PTP4A2: variants seen among roughly 807,000 people sequenced by gnomAD.
The protein encoded by PTP4A2 is protein tyrosine phosphatase 4A2, also known as protein tyrosine phosphatase type IVA 2.
A neutral mutation model predicts 22.9 loss-of-function variants in PTP4A2; 2 were observed. That is an observed-to-expected ratio of 0.09 (90% confidence interval 0.04 to 0.27). PTP4A2 has a LOEUF of 0.27. Among genes scored for constraint, PTP4A2 ranks in the 10% least tolerant of loss-of-function variants. The pLI, the probability that PTP4A2 is intolerant of heterozygous loss-of-function variation, is 1.00. For missense variants in PTP4A2, 103 were observed against 205.1 expected (o/e 0.50, Z 3.04); for synonymous variants, 68 against 69.1 (o/e 0.98, Z 0.08).
At chr1:31,915,535 ATTTTTTTTTTTTT>A (rs33976935) in intron 3 of PTP4A2, 1 of 107,064 alleles carries the variant, frequency 9.3e-6, no homozygotes, top group African/African-American at 3.7e-5. Flanking sequence ...CAAGTTTTTA[ATTTTTTTTTTTTT>A]TTTTTTTTTG....
chr1:31,919,765 G>A (rs550462315), intron 1 of PTP4A2, 107 bp from the exon 2 acceptor site: 27 of 152,450 alleles, frequency 1.8e-4, no homozygotes, highest in African/African-American at 6.0e-4. Flanking sequence ...GATGTGAAAT[G>A]TCACCAATTA....
At chr1:31,920,540 T>TC (rs1426457435) in intron 1 of PTP4A2, among the ~76,000 whole-genome samples, 1 of 148,888 alleles carries the variant, frequency 6.7e-6, no homozygotes, top group Non-Finnish European at 1.5e-5. Flanking sequence ...CATGAACTTT[T>TC]TTTTTTTTTT....
At chr1:31,926,358 C>T (rs776699243) in intron 1 of PTP4A2, among the ~76,000 whole-genome samples, 16 of 151,422 alleles carry the variant, frequency 1.1e-4, no homozygotes, top group Non-Finnish European at 2.4e-4. Context: ...AGTCTAAAAG[C>T]AAAGGTCTAA....
intron 1 of PTP4A2, among the ~76,000 whole-genome samples, chr1:31,936,461 A>G (rs1008062920): frequency 6.6e-6 from 1 of 152,124 alleles, no homozygotes; most frequent in South Asian, 2.1e-4. Context: ...CTGAAAGACT[A>G]CCAACTTCTA....
Position 31,908,491 on chromosome 1 carries a change from G to C in PTP4A2, c.*361C>G, listed in dbSNP as rs1651363053. 6.3e-6 allele frequency: 1 copy of C among 159,112 alleles called. No individual in the cohort carries two copies. The highest frequency in any genetic ancestry group is 1.8e-4 in the South Asian group (1 of 5,432). 9.9% of individuals were successfully genotyped at this position (159,112 alleles called of 1,614,324 possible). A position where few individuals can be genotyped will look rare whatever the true frequency, so the allele number is the denominator to read the frequency against. ...GGAAGAGTGTGCTCCCCAAACAGAT[G>C]GTTTTGCACAGGCTAATGTTCTGCT... On this transcript the variant is annotated 3_prime_UTR_variant, in exon 6 of 6. Transcript: ENST00000647444.
At chr1:31,937,088 A>G (rs1652966620) in intron 1 of PTP4A2, among the ~76,000 whole-genome samples, 1 of 152,164 alleles carries the variant, frequency 6.6e-6, no homozygotes, top group Non-Finnish European at 1.5e-5. Flanking sequence ...TGAACACTCT[A>G]CAGGCCAGAG....
intron 1 of PTP4A2, among the ~76,000 whole-genome samples, chr1:31,931,668 C>A (rs1483517742): frequency 6.6e-6 from 1 of 152,116 alleles, no homozygotes; most frequent in African/African-American, 2.4e-5. Flanking sequence ...GAGAATATAG[C>A]CTGTGACTTA....
Position 31,938,060 on chromosome 1 carries a change from CTCGGCGGCGGCG to C in PTP4A2, c.-679_-668del, listed in dbSNP as rs1025523623. 3 of 155,674 alleles carry C rather than the reference CTCGGCGGCGGCG, an allele frequency of 1.9e-5. No individual in the cohort carries two copies. The highest frequency in any genetic ancestry group is 4.2e-5 in the Non-Finnish European group (3 of 72,020). 9.6% of individuals were successfully genotyped at this position (155,674 alleles called of 1,614,324 possible). A position where few individuals can be genotyped will look rare whatever the true frequency, so the allele number is the denominator to read the frequency against. On this transcript the variant is annotated 5_prime_UTR_variant, in exon 1 of 6. Transcript: ENST00000647444. This position sits in a 1 kb window ranked among gnomAD's most constrained non-coding sequence, Gnocchi z 4.4. ...AGGAGGCGCCTCTCTCCTCAGTCACCTCGGCGGCGGCGGCGGCGGCGGTAGCGGTGGCGGCGG... is the reference window on the plus strand; with the variant it reads ...AGGAGGCGCCTCTCTCCTCAGTCACCGCGGCGGCGGTAGCGGTGGCGGCGG...
intron 5 of PTP4A2, among the ~76,000 whole-genome samples, chr1:31,909,580 T>G (rs573852271): frequency 1.3e-4 from 20 of 151,240 alleles, no homozygotes; most frequent in Non-Finnish European, 2.5e-4. Flanking sequence ...GCTGAGGCAG[T>G]AGAATCGCTT....
intron 1 of PTP4A2, among the ~76,000 whole-genome samples, chr1:31,922,321 T>C (rs649738): frequency 0.018 from 2,760 of 152,264 alleles, 74 homozygotes; most frequent in African/African-American, 0.063. Context: ...CCATCTCTAC[T>C]AAAAATACAA....
intron 4 of PTP4A2, 188 bp from the exon 5 acceptor site, chr1:31,910,300 G>A (rs572957860): frequency 1.2e-4 from 63 of 509,468 alleles, no homozygotes; most frequent in East Asian, 5.5e-4. Flanking sequence ...TTTTTTTGGC[G>A]GGGCAGGGGA....
At chr1:31,914,054 T>C in intron 3 of PTP4A2, 1 of 382,118 alleles carries the variant, frequency 2.6e-6, no homozygotes, top group Non-Finnish European at 5.2e-6. Flanking sequence ...ATTATTACCA[T>C]GCCAAACTAT....
intron 1 of PTP4A2, among the ~76,000 whole-genome samples, chr1:31,920,220 G>GA (rs961855600): frequency 1.4e-4 from 21 of 149,888 alleles, no homozygotes; most frequent in Middle Eastern, 3.5e-3. Flanking sequence ...GAGGCGGGCA[G>GA]ATCACCTGAG....
intron 1 of PTP4A2, among the ~76,000 whole-genome samples, chr1:31,925,547 A>G (rs917671433): frequency 2.0e-5 from 3 of 151,862 alleles, no homozygotes; most frequent in Admixed American, 6.6e-5. Context: ...GAACGAGGTC[A>G]GGAGATAAGA....
At chr1:31,915,383 G>A (rs1651770795) in intron 3 of PTP4A2, among the ~76,000 whole-genome samples, 1 of 151,832 alleles carries the variant, frequency 6.6e-6, no homozygotes, top group South Asian at 2.1e-4. Flanking sequence ...TTGAGACAAG[G>A]TCTTACTCTC....
At chr1:31,931,638 T>C (rs1335950435) in intron 1 of PTP4A2, among the ~76,000 whole-genome samples, 2 of 152,158 alleles carry the variant, frequency 1.3e-5, no homozygotes, top group Non-Finnish European at 2.9e-5. Flanking sequence ...CAAATGAAGA[T>C]CCAATCTAAG....
intron 1 of PTP4A2, chr1:31,921,457 T>G (rs74065989): frequency 6.5e-4 from 99 of 152,340 alleles, no homozygotes; most frequent in African/African-American, 2.4e-3. Flanking sequence ...TGAAGGTCAC[T>G]GATTCACACA....
Position 31,934,732 on chromosome 1 carries a change from ACT to A in PTP4A2, c.-594+3253_-594+3254del, listed in dbSNP as rs10587220. On this transcript the variant is annotated intron_variant, in intron 1 of 5. Transcript: ENST00000647444. ...AGTCAACTATATATGGGGCTCTCAT[ACT>A]GTTTTTTAAAGCTATACACAAAAGT... 4.5e-3 allele frequency among the ~76,000 whole-genome samples: 686 copies of A among 152,310 alleles called. 4 individuals carry two copies. The highest frequency in any genetic ancestry group is 0.016 in the African/African-American group (650 of 41,558).
chr1:31,920,220 G>A (rs1015147623), intron 1 of PTP4A2, among the ~76,000 whole-genome samples: 49 of 149,886 alleles, frequency 3.3e-4, no homozygotes, highest in African/African-American at 1.2e-3. Context: ...GAGGCGGGCA[G>A]ATCACCTGAG....
Sources: allele counts gnomAD v4.1 joint callset (sites outside exome capture counted in the v4.1 genomes callset), GRCh38; gene constraint gnomAD v4.1.1; non-coding constraint Gnocchi (gnomAD v3.1); transcripts MANE v1.5; gene names NCBI Gene and HGNC (gene_info 2026-07-23, HGNC 2026-07-21).